The following SPDL1 variants were observed in gnomAD, a reference collection of about 807,000 sequenced individuals.
SPDL1 encodes spindle apparatus coiled-coil protein 1.
SPDL1 carries 85 observed loss-of-function variants against 79.5 expected under a neutral mutation model. The ratio of observed to expected loss-of-function variants is 1.07; its 90% CI spans 0.90 to 1.28. SPDL1 has a LOEUF of 1.28. Among genes scored for constraint, SPDL1 ranks in the 50% most tolerant of loss-of-function variants. The probability of loss-of-function intolerance (pLI) is 0.00; values close to 1 mark genes in which losing one functional copy is unlikely to be tolerated. For missense variants in SPDL1, 703 were observed against 697.8 expected, an observed-to-expected ratio of 1.01 and a Z score of -0.08; for synonymous variants, 269 against 240.3, an observed-to-expected ratio of 1.12 and a Z score of -1.10.
chr5:169,592,480 G>T (rs1171617942), intron 3 of SPDL1, among the ~76,000 whole-genome samples: 1 of 152,078 alleles, frequency 6.6e-6, no homozygotes, highest in Non-Finnish European at 1.5e-5. Context: ...CTCGCAAAGT[G>T]CTGGGATTAC....
At position 169,604,301 on chromosome 5, in the gene SPDL1, T is replaced by G. The variant is rs183549529; in HGVS notation, c.*94T>G. On this transcript the variant is annotated 3_prime_UTR_variant, in exon 12 of 12. Coordinates refer to ENST00000265295, the MANE Select transcript of SPDL1 (RefSeq NM_017785.5). Reference sequence around the variant, plus strand: ...GATCTGACATATATCACCTTCTGGGTTATTTACTCATTGTGCCAGGACCTG... The same window carrying G: ...GATCTGACATATATCACCTTCTGGGGTATTTACTCATTGTGCCAGGACCTG... The G allele has an allele frequency of 8.1e-7, 1 of 1,239,974 alleles. No homozygotes were observed. Among genetic ancestry groups the G allele is most frequent in the Admixed American group, 2.8e-5 (1 of 36,008 alleles). 76.8% of individuals were successfully genotyped at this position (1,239,974 alleles called of 1,614,324 possible). A position where few individuals can be genotyped will look rare whatever the true frequency, so the allele number is the denominator to read the frequency against.
chr5:169,588,588 ACTC>A lies in SPDL1; in HGVS notation c.159+17_159+19del. ...GACCATGACTGAGGTAGGACTCTGG[ACTC>A]CTCTGTCTGCAAGAGTGTGCTTAGC... is the stretch of plus-strand genomic sequence containing the variant. On this transcript the variant is annotated intron_variant, in intron 2 of 11. Coordinates refer to ENST00000265295, the MANE Select transcript of SPDL1 (RefSeq NM_017785.5). 6.2e-7 allele frequency: 1 copy of A among 1,602,462 alleles called. No homozygotes were observed.
chr5:169,598,350 T>TG (rs2113376303), intron 8 of SPDL1, 126 bp from the exon 9 acceptor site: 1 of 590,948 alleles, frequency 1.7e-6, no homozygotes, highest in East Asian at 3.0e-5. Flanking sequence ...ATAAATTAAA[T>TG]GGGTAGTTCT....
chr5:169,600,155 A>G lies in SPDL1; in HGVS notation c.1324+996A>G, dbSNP rs531657516. ...ACATGTTTTAGGTTAAGGATTCTCA[A>G]CAAGTTTTTGTCCCCGCACTCTGCA... On this transcript the variant is annotated intron_variant, in intron 10 of 11. Coordinates refer to ENST00000265295, the MANE Select transcript of SPDL1 (RefSeq NM_017785.5). 2.6e-5 allele frequency among the ~76,000 whole-genome samples: 4 copies of G among 152,298 alleles called. No individual in the cohort carries two copies. In the South Asian group the frequency reaches 8.3e-4, roughly 32 times the overall value.
intron 10 of SPDL1, among the ~76,000 whole-genome samples, chr5:169,600,394 TAGAC>T (rs1191500847): frequency 6.6e-6 from 1 of 152,114 alleles, no homozygotes; most frequent in Non-Finnish European, 1.5e-5. Flanking sequence ...ACACAGCAAA[TAGAC>T]AGGAGGCAGG....
At chr5:169,590,773 G>A (rs1437022722) in intron 2 of SPDL1, 14 of 502,618 alleles carry the variant, frequency 2.8e-5, no homozygotes, top group East Asian at 5.4e-5. Flanking sequence ...TTGACTTGAC[G>A]TGTTGACATA....
chr5:169,591,246 A>G, intron 3 of SPDL1, 22 bp downstream of exon 3: 3 of 1,600,850 alleles, frequency 1.9e-6, no homozygotes, highest in Non-Finnish European at 1.7e-6. Flanking sequence ...TGCGTATTTC[A>G]GCACAAAATA....
rs145431689 is a variant in SPDL1, at chr5:169,588,454, T to G, written c.38T>G (p.Leu13Arg). ...ADIITNLRCR[L>R]KEAEEERLKA... ...ATAATCACAAATCTTCGATGCAGGC[T>G]CAAAGAGGCTGAAGAAGAGCGACTA... The change falls in exon 2 of 12, where the codon CTC becomes CGC. Residue 13 changes from leucine to arginine, a missense_variant. By Grantham distance (102) the Leu-to-Arg change is moderately radical. Coordinates refer to ENST00000265295, the MANE Select transcript of SPDL1 (RefSeq NM_017785.5). The G allele has an allele frequency of 5.1e-5, 83 of 1,613,276 alleles. No homozygotes were observed. Among genetic ancestry groups the G allele is most frequent in the Non-Finnish European group, 6.7e-5 (79 of 1,179,726 alleles).
chr5:169,598,556 T>G lies in SPDL1; in HGVS notation c.1113T>G (p.Leu371=), dbSNP rs772753899. The G allele has an allele frequency of 2.5e-6, 4 of 1,612,306 alleles. No individual in the cohort carries two copies. Among genetic ancestry groups the G allele is most frequent in the Non-Finnish European group, 3.4e-6 (4 of 1,178,504 alleles). ...ATAACACCTATTATACAGATTTACT[T>G]CAGATGAAGCTGGATAACTTAAAGT... ...LEDNTYYTDL[L]QMKLDNLNKE... Residue 371 remains leucine, a synonymous_variant, in exon 9 of 12, where the codon CTT becomes CTG. Transcript: ENST00000265295.
rs1385564609 is a variant in SPDL1 at position 169,601,424 on chromosome 5, G to C, written c.1469G>C (p.Cys490Ser). Residue 490 changes from cysteine to serine, a missense_variant, in exon 11 of 12, where the codon TGC becomes TCC. Coordinates refer to ENST00000265295, the MANE Select transcript of SPDL1 (RefSeq NM_017785.5). ...LPPQKEETQS[C>S]PNSLEDNNLQ... Reference sequence around the variant, plus strand: ...CCTCAGAAAGAGGAGACACAGTCCTGCCCTAACAGTTTAGAAGATAACAAC... The same window carrying C: ...CCTCAGAAAGAGGAGACACAGTCCTCCCCTAACAGTTTAGAAGATAACAAC... 1 of 1,614,066 alleles carries C rather than the reference G, an allele frequency of 6.2e-7. No homozygotes were observed. The highest frequency in any genetic ancestry group is 8.5e-7 in the Non-Finnish European group (1 of 1,180,000).
intron 1 of SPDL1, among the ~76,000 whole-genome samples, chr5:169,585,028 A>AAAAAAAAT (rs1385670604): frequency 6.6e-6 from 1 of 151,920 alleles, no homozygotes; most frequent in Non-Finnish European, 1.5e-5. Context: ...AAAAAAAAAA[A>AAAAAAAAT]AAGAATGTGT....
At position 169,591,186 on chromosome 5, in the gene SPDL1, A is replaced by G; in HGVS notation, c.298A>G (p.Arg100Gly). ...GGAGAAATTGGAAGAACAACTAAGC[A>G]GAAGCCATGGACAGGAAGTGAATGA... ...HLEKLEEQLS[R>G]SHGQEVNELK... is the part of the protein sequence containing the mutation. The change falls in exon 3 of 12, where the codon AGA becomes GGA. Residue 100 changes from arginine (R) to glycine (G), a missense_variant. Transcript: ENST00000265295. The G allele has an allele frequency of 1.2e-6, 2 of 1,614,056 alleles. No individual in the cohort carries two copies. Among genetic ancestry groups the G allele is most frequent in the Non-Finnish European group, 1.7e-6 (2 of 1,179,972 alleles).
intron 8 of SPDL1, 65 bp downstream of exon 8, chr5:169,596,766 G>T (rs1755609262): frequency 3.0e-6 from 4 of 1,333,504 alleles, no homozygotes; most frequent in African/African-American, 1.6e-5. Flanking sequence ...AATTTGGTTT[G>T]TTTTTTAAGT....
chr5:169,596,580 TAC>T lies in SPDL1; in HGVS notation c.913_914del (p.Gln305AspfsTer7). On this transcript the variant is annotated frameshift_variant, in exon 8 of 12. Transcript: ENST00000265295. LOFTEE classifies it high-confidence loss of function. ...TTCTAGTTACAAATTGCCACGTTGCTACAGATGAAAGGGTCTCAAACTGAATT... is the reference window on the plus strand; with the variant it reads ...TTCTAGTTACAAATTGCCACGTTGCTAGATGAAAGGGTCTCAAACTGAATT... 1 of 1,611,584 alleles carries T rather than the reference TAC, an allele frequency of 6.2e-7. No homozygotes were observed. Among genetic ancestry groups the T allele is most frequent in the Non-Finnish European group, 8.5e-7 (1 of 1,179,180 alleles).
chr5:169,586,806 T>A (rs557672335), intron 1 of SPDL1, among the ~76,000 whole-genome samples: 1 of 152,212 alleles, frequency 6.6e-6, no homozygotes, highest in African/African-American at 2.4e-5. Flanking sequence ...GGTCTCTGCT[T>A]CCAGCCTTGT....
intron 9 of SPDL1, 149 bp from the exon 10 acceptor site, chr5:169,598,823 T>C: frequency 8.6e-7 from 1 of 1,156,930 alleles, no homozygotes; most frequent in Non-Finnish European, 1.2e-6. Flanking sequence ...TTAAGGATTA[T>C]TTAAATTGTT....
At chr5:169,590,484 A>G (rs538291908) in intron 2 of SPDL1, among the ~76,000 whole-genome samples, 21 of 152,190 alleles carry the variant, frequency 1.4e-4, no homozygotes, top group Non-Finnish European at 2.5e-4. Context: ...CGTACTTGTA[A>G]CATTTTTAAT....
rs141793856 is a variant in SPDL1 at position 169,599,013 on chromosome 5, G to T, written c.1178G>T (p.Arg393Leu). 1.3e-6 allele frequency: 2 copies of T among 1,573,214 alleles called. No individual in the cohort carries two copies. Among genetic ancestry groups the T allele is most frequent in the African/African-American group, 1.4e-5 (1 of 73,474 alleles). ...ESTKGELSIQ[R>L]MKALFESQRA... is the part of the protein sequence containing the mutation. ...ACTAAAGGTGAATTGTCCATACAGC[G>T]AATGAAAGCATTATTTGAGAGCCAG... Residue 393 changes from arginine to leucine, a missense_variant, in exon 10 of 12, where the codon CGA (arginine) becomes CTA (leucine). Arg to Leu is a moderately radical substitution (Grantham distance 102). Coordinates refer to ENST00000265295, the MANE Select transcript of SPDL1 (RefSeq NM_017785.5).
chr5:169,590,762 C>T, intron 2 of SPDL1: 2 of 492,508 alleles, frequency 4.1e-6, no homozygotes, highest in Non-Finnish European at 8.0e-6. Context: ...GCAGAGATTA[C>T]TTGACTTGAC....
Sources: allele counts gnomAD v4.1 joint callset (sites outside exome capture counted in the v4.1 genomes callset), GRCh38; gene constraint gnomAD v4.1.1; transcripts MANE v1.5; gene names NCBI Gene and HGNC (gene_info 2026-07-23, HGNC 2026-07-21).